The following ATG7 variants were observed in gnomAD, a reference collection of about 807,000 sequenced individuals.
ATG7 encodes autophagy related 7.
A neutral mutation model predicts 82.4 loss-of-function variants in ATG7; 70 were observed. The observed-to-expected ratio is 0.85, with a 90% CI of 0.70 to 1.04. The LOEUF is 1.04. Among genes scored for constraint, ATG7 ranks in the 50% least tolerant of loss-of-function variants. The probability of loss-of-function intolerance (pLI) is 0.00; values close to 1 mark genes in which losing one functional copy is unlikely to be tolerated. For missense variants in ATG7, 792 were observed against 864.3 expected (o/e 0.92, Z 1.05); for synonymous variants, 287 against 313.0 (o/e 0.92, Z 0.88).
intron 19 of ATG7, among the ~76,000 whole-genome samples, chr3:11,395,966 G>GC (rs2079214640): frequency 1.4e-5 from 1 of 71,332 alleles, no homozygotes; most frequent in Non-Finnish European, 2.7e-5. Context: ...AAAAAAAAAA[G>GC]GTAGGGGGGG....
intron 14 of ATG7, among the ~76,000 whole-genome samples, chr3:11,356,723 G>T (rs1187721354): frequency 6.6e-6 from 1 of 152,058 alleles, no homozygotes; most frequent in African/African-American, 2.4e-5. Context: ...AGGTATTGCA[G>T]GTATTATTAT....
At chr3:11,519,039 TCAAA>T (rs1296943046) in intron 20 of ATG7, among the ~76,000 whole-genome samples, 3 of 152,184 alleles carry the variant, frequency 2.0e-5, no homozygotes, top group Non-Finnish European at 2.9e-5. Context: ...TCATTGATCT[TCAAA>T]CATTTTTTTC....
chr3:11,333,174 A>G, intron 11 of ATG7, 81 bp downstream of exon 11: 1 of 1,424,268 alleles, frequency 7.0e-7, no homozygotes, highest in Non-Finnish European at 9.2e-7. Context: ...TCATATCGTC[A>G]CAATGGCAGA....
At chr3:11,394,708 T>G (rs1471258101) in intron 19 of ATG7, among the ~76,000 whole-genome samples, 1 of 152,206 alleles carries the variant, frequency 6.6e-6, no homozygotes, top group Non-Finnish European at 1.5e-5. Context: ...CTGTAACAAT[T>G]TCACATTATT....
chr3:11,522,270 C>CT (rs964095138), intron 20 of ATG7, among the ~76,000 whole-genome samples: 6 of 152,180 alleles, frequency 3.9e-5, no homozygotes, highest in African/African-American at 2.4e-5. Flanking sequence ...CACGCAGAGG[C>CT]TGGCAGATCA....
chr3:11,395,502 AAAAGACATTAACTTCTGAAGAATG>A (rs902821196), intron 19 of ATG7, among the ~76,000 whole-genome samples: 8 of 152,316 alleles, frequency 5.3e-5, no homozygotes, highest in African/African-American at 1.9e-4. Flanking sequence ...GGGGATGGGG[AAAAGACATTAACTTCTGAAGAATG>A]ATGGTCAGGC....
intron 20 of ATG7, among the ~76,000 whole-genome samples, chr3:11,527,965 C>G (rs1030821003): frequency 6.6e-6 from 1 of 152,200 alleles, no homozygotes; most frequent in Non-Finnish European, 1.5e-5. Context: ...ATTTGTGATG[C>G]ATCCTGCAGT....
At chr3:11,389,279 A>G (rs1188776203) in intron 19 of ATG7, among the ~76,000 whole-genome samples, 6 of 150,114 alleles carry the variant, frequency 4.0e-5, no homozygotes, top group Non-Finnish European at 5.9e-5. Flanking sequence ...ACTGTTTGAG[A>G]ATGTCTTATT....
At chr3:11,367,388 G>A (rs2076697183) in intron 18 of ATG7, among the ~76,000 whole-genome samples, 1 of 152,150 alleles carries the variant, frequency 6.6e-6, no homozygotes, top group South Asian at 2.1e-4. Context: ...ATTTTTCTCA[G>A]TTCCCAAGAG....
intron 20 of ATG7, among the ~76,000 whole-genome samples, chr3:11,433,230 G>T (rs1399465100): frequency 6.8e-6 from 1 of 146,764 alleles, no homozygotes; most frequent in African/African-American, 2.5e-5. Flanking sequence ...CAGACAGTGA[G>T]CTATGATTGT....
At chr3:11,371,147 C>T (rs901861473) in intron 18 of ATG7, among the ~76,000 whole-genome samples, 1 of 151,216 alleles carries the variant, frequency 6.6e-6, no homozygotes, top group Admixed American at 6.6e-5. Flanking sequence ...CTCCTCCCTC[C>T]ATTCTCTGGG....
chr3:11,547,453 A>T (rs1031923142), intron 20 of ATG7, among the ~76,000 whole-genome samples: 1 of 148,262 alleles, frequency 6.7e-6, no homozygotes, highest in African/African-American at 2.6e-5. Context: ...TTTAACTTTT[A>T]TGAATACTTT....
intron 3 of ATG7, among the ~76,000 whole-genome samples, chr3:11,293,939 A>G (rs1282920393): frequency 6.6e-6 from 1 of 150,548 alleles, no homozygotes; most frequent in Non-Finnish European, 1.5e-5. Context: ...AATCGCTTGA[A>G]CCTGGGAGGC....
At chr3:11,469,318 G>A (rs932998438) in intron 20 of ATG7, among the ~76,000 whole-genome samples, 4 of 152,026 alleles carry the variant, frequency 2.6e-5, no homozygotes, top group East Asian at 1.9e-4. Flanking sequence ...GCGTAGTGGC[G>A]CATGCCTGTG....
At chr3:11,398,143 C>T (rs1319107763) in intron 19 of ATG7, among the ~76,000 whole-genome samples, 1 of 150,414 alleles carries the variant, frequency 6.6e-6, no homozygotes, top group Non-Finnish European at 1.5e-5. Context: ...AAAAAGGATA[C>T]CAAAAGAAAT....
rs764872297 is a variant in ATG7, at chr3:11,484,554, TTTA to T, written c.2079+57639_2079+57641del. On this transcript the variant is annotated intron_variant, in intron 20 of 20. Transcript: ENST00000693202. ...CCAGGATATTTTCTTTTTCTTTTAT[TTTA>T]TTATTATTATACTTTAAGTTTTAGG... Among the ~76,000 whole-genome samples the T allele has an allele frequency of 1.7e-4, 26 of 152,216 alleles. 1 individual carries two copies. The Middle Eastern group carries it at 0.01, about 60-fold the overall frequency.
At chr3:11,431,381 GGCGGGGGGAA>G (rs2082871068) in intron 20 of ATG7, among the ~76,000 whole-genome samples, 1 of 152,062 alleles carries the variant, frequency 6.6e-6, no homozygotes, top group African/African-American at 2.4e-5. Flanking sequence ...AGCCTGCAAG[GGCGGGGGGAA>G]AAAAACAACC....
At chr3:11,383,831 G>A (rs2078109401) in intron 19 of ATG7, among the ~76,000 whole-genome samples, 1 of 152,216 alleles carries the variant, frequency 6.6e-6, no homozygotes, top group Non-Finnish European at 1.5e-5. Flanking sequence ...TACTACTACA[G>A]AAAATAAACC....
intron 19 of ATG7, among the ~76,000 whole-genome samples, chr3:11,410,597 C>A (rs2080805448): frequency 6.6e-6 from 1 of 152,130 alleles, no homozygotes; most frequent in African/African-American, 2.4e-5. Flanking sequence ...TCCCCATTTT[C>A]TTCTCTCTCC....
Sources: allele counts gnomAD v4.1 joint callset (sites outside exome capture counted in the v4.1 genomes callset), GRCh38; gene constraint gnomAD v4.1.1; transcripts MANE v1.5; gene names NCBI Gene and HGNC (gene_info 2026-07-23, HGNC 2026-07-21).